Variants in PRLR observed in about 807,000 individuals in gnomAD.
PRLR encodes the protein hPRL receptor.
Under a neutral mutation model 40.2 loss-of-function variants are expected in PRLR, and 13 were observed. That is an observed-to-expected ratio of 0.32 (90% CI 0.21 to 0.51). The LOEUF is 0.51. PRLR is among the 20% of genes least tolerant of loss of function. The pLI, the probability that PRLR is intolerant of heterozygous loss-of-function variation, is 0.97. For synonymous variants in PRLR, 269 were observed against 278.7 expected, an observed-to-expected ratio of 0.97 and a Z score of 0.35; for missense variants, 656 against 747.3, an observed-to-expected ratio of 0.88 and a Z score of 1.42.
At chr5:35,218,030 A>T (rs769036308) in intron 1 of PRLR, among the ~76,000 whole-genome samples, 8 of 152,160 alleles carry the variant, frequency 5.3e-5, no homozygotes, top group Middle Eastern at 3.2e-3. Context: ...TTGAAGATAA[A>T]TTTTTTTAAA....
rs115315045 is a variant in PRLR, at chr5:35,185,008, T to C, written c.-106+45260A>G. Among the ~76,000 whole-genome samples the C allele has an allele frequency of 2.4e-3, 365 of 152,352 alleles. 2 individuals carry two copies. Among genetic ancestry groups the C allele is most frequent in the African/African-American group, 8.3e-3 (346 of 41,580 alleles). Reference sequence around the variant, plus strand: ...CAACAAAGGAAAGTTTTGTTTTGCATAAACACAGTTTCAACCGCTGGAAGG... The same window carrying C: ...CAACAAAGGAAAGTTTTGTTTTGCACAAACACAGTTTCAACCGCTGGAAGG... On this transcript the variant is annotated intron_variant, in intron 1 of 9. Transcript: ENST00000618457.
intron 1 of PRLR, among the ~76,000 whole-genome samples, chr5:35,217,050 A>G (rs1387126760): frequency 1.3e-5 from 2 of 152,198 alleles, no homozygotes; most frequent in East Asian, 1.9e-4. Context: ...CCCAAGTCTT[A>G]GCAAGCCTCT....
downstream of PRLR, among the ~76,000 whole-genome samples, chr5:35,054,723 T>C (rs1313713677): frequency 6.6e-6 from 1 of 152,190 alleles, no homozygotes; most frequent in African/African-American, 2.4e-5. Context: ...GAGCTATTTG[T>C]ATCTCAAAAA....
At chr5:35,107,438 G>T (rs904536451) in intron 2 of PRLR, among the ~76,000 whole-genome samples, 10 of 152,106 alleles carry the variant, frequency 6.6e-5, no homozygotes, top group African/African-American at 2.4e-4. Flanking sequence ...GAATCTAGGA[G>T]CTGGTTTTCT....
intron 2 of PRLR, among the ~76,000 whole-genome samples, chr5:35,091,223 A>C (rs1169109612): frequency 6.6e-6 from 1 of 152,050 alleles, no homozygotes; most frequent in Non-Finnish European, 1.5e-5. Context: ...ACCTGCTCCT[A>C]CAAGATTCCT....
chr5:35,205,964 T>C (rs565949391), intron 1 of PRLR, among the ~76,000 whole-genome samples: 2 of 152,100 alleles, frequency 1.3e-5, no homozygotes, highest in Non-Finnish European at 2.9e-5. Flanking sequence ...CGAGTAATCA[T>C]GAAAAATAAG....
chr5:35,230,097 G>T (rs1776660524), intron 1 of PRLR, among the ~76,000 whole-genome samples, 171 bp downstream of exon 1: 1 of 152,130 alleles, frequency 6.6e-6, no homozygotes, highest in African/African-American at 2.4e-5. Context: ...GGGCTTCCCC[G>T]CCGGCTGCCG....
rs1293330288 is a variant in PRLR, at chr5:35,058,139, A to T, written c.*6950T>A. 7.0e-6 allele frequency: 1 copy of T among 143,480 alleles called. No homozygotes were observed. Among genetic ancestry groups the T allele is most frequent in the African/African-American group, 2.5e-5 (1 of 39,884 alleles). The allele number at this position is 143,480 out of a possible 1,614,324, so 8.9% of individuals were successfully genotyped here. On this transcript the variant is annotated 3_prime_UTR_variant, in exon 10 of 10. Transcript: ENST00000618457. ...ACAAAGTGATGAATTAGAAGGTGTTAAAAAAAAAACCCAGCAACTTAATTA... is the reference window on the plus strand; with the variant it reads ...ACAAAGTGATGAATTAGAAGGTGTTTAAAAAAAAACCCAGCAACTTAATTA...
chr5:35,137,100 A>T lies in PRLR; in HGVS notation c.-105-18978T>A, dbSNP rs192478560. The stretch of plus-strand genomic sequence containing the variant: ...TGCAGAATACTATCAGCAAACGTTT[A>T]CTGAGGGTGAGGACGCATGCAATAA... On this transcript the variant is annotated intron_variant, in intron 1 of 9. Coordinates refer to ENST00000618457, the MANE Select transcript of PRLR (RefSeq NM_000949.7). 5.9e-4 allele frequency among the ~76,000 whole-genome samples: 90 copies of T among 152,326 alleles called. 1 individual carries two copies. Among genetic ancestry groups the T allele is most frequent in the Non-Finnish European group, 6.9e-4 (47 of 68,028 alleles).
intron 1 of PRLR, among the ~76,000 whole-genome samples, chr5:35,130,729 C>G (rs1481777389): frequency 1.3e-5 from 2 of 152,152 alleles, no homozygotes; most frequent in Non-Finnish European, 2.9e-5. Context: ...CCTCCAGTAC[C>G]TTAGAATGTG....
downstream of PRLR, among the ~76,000 whole-genome samples, chr5:35,050,791 T>C (rs369206062): frequency 5.3e-5 from 8 of 152,340 alleles, no homozygotes; most frequent in Non-Finnish European, 8.8e-5. Context: ...TTCCCTCTCT[T>C]AACTAATTTA....
chr5:35,166,664 G>T (rs1021680470), intron 1 of PRLR, among the ~76,000 whole-genome samples: 2 of 152,016 alleles, frequency 1.3e-5, no homozygotes, highest in African/African-American at 2.4e-5. Context: ...AAGAAGCTCT[G>T]ATACTCCACA....
At chr5:35,052,947 T>C (rs1579535035), downstream of PRLR, among the ~76,000 whole-genome samples, 1 of 152,238 alleles carries the variant, frequency 6.6e-6, no homozygotes, top group African/African-American at 2.4e-5. Context: ...TTCTGAAGGC[T>C]CCCATGTCAC....
At chr5:35,055,468 A>G (rs935652179), downstream of PRLR, among the ~76,000 whole-genome samples, 6 of 152,128 alleles carry the variant, frequency 3.9e-5, no homozygotes, top group Non-Finnish European at 1.5e-5. Flanking sequence ...GTGTTCAAAG[A>G]TGAGCACAAA....
intron 2 of PRLR, among the ~76,000 whole-genome samples, chr5:35,108,702 C>A (rs13177387): frequency 0.056 from 8,447 of 152,032 alleles, 551 homozygotes; most frequent in East Asian, 0.18. Context: ...ACCACTGCTC[C>A]ATGAAATAAA....
At chr5:35,152,446 A>C (rs1011611417) in intron 1 of PRLR, among the ~76,000 whole-genome samples, 1 of 46,654 alleles carries the variant, frequency 2.1e-5, no homozygotes, top group African/African-American at 6.1e-5. Context: ...TGAGAGACTT[A>C]GTAAATATTG....
chr5:35,072,174 C>G (rs542718031), intron 6 of PRLR, among the ~76,000 whole-genome samples: 2 of 152,218 alleles, frequency 1.3e-5, no homozygotes, highest in Non-Finnish European at 1.5e-5. Context: ...CTGGGATTAA[C>G]AGGTGTGATC....
rs537876727 is a variant in PRLR, at chr5:35,158,569, G to A, written c.-105-40447C>T. Among the ~76,000 whole-genome samples the A allele has an allele frequency of 2.6e-5, 4 of 152,230 alleles. No individual in the cohort carries two copies. The South Asian group carries it at 6.2e-4, about 24-fold the overall frequency. On this transcript the variant is annotated intron_variant, in intron 1 of 9. Transcript: ENST00000618457. ...CATGATTCGAGTGGGACTGTTAACA[G>A]GCTTACCTTGCCCAATGAAGGGTGA... is the stretch of plus-strand genomic sequence containing the variant.
intron 6 of PRLR, among the ~76,000 whole-genome samples, chr5:35,072,136 G>A (rs1769786155): frequency 6.6e-6 from 1 of 152,054 alleles, no homozygotes; most frequent in African/African-American, 2.4e-5. Context: ...GACCTCAGGT[G>A]ATCCACCTGT....
Sources: gnomAD v4.1 joint callset for allele counts (sites outside exome capture counted in the v4.1 genomes callset) on GRCh38, gnomAD v4.1.1 for gene constraint, MANE v1.5 for transcripts, NCBI Gene and HGNC (gene_info 2026-07-23, HGNC 2026-07-21) for gene names.